SGCD: variants seen among roughly 807,000 people sequenced by gnomAD.
The protein encoded by SGCD is sarcoglycan delta, also known as delta-sarcoglycan.
SGCD carries 18 observed loss-of-function variants against 36.6 expected under a neutral mutation model. The observed-to-expected ratio is 0.49, with a 90% CI of 0.34 to 0.73. SGCD has a LOEUF of 0.73. Among genes scored for constraint, SGCD ranks in the 30% least tolerant of loss-of-function variants. The pLI is 0.01. For missense variants in SGCD, 387 were observed against 346.7 expected (o/e 1.12, Z -0.92); for synonymous variants, 133 against 130.6 (o/e 1.02, Z -0.12).
chr5:156,113,643 G>A (rs566844997), intron 1 of SGCD, among the ~76,000 whole-genome samples: 22 of 152,224 alleles, frequency 1.4e-4, no homozygotes, highest in African/African-American at 5.3e-4. Flanking sequence ...ATATGATACA[G>A]CTATCATATT....
At chr5:155,997,801 T>TCTAC (rs764409772) in intron 1 of SGCD, among the ~76,000 whole-genome samples, 26 of 152,236 alleles carry the variant, frequency 1.7e-4, no homozygotes, top group Non-Finnish European at 2.1e-4. Context: ...CAAAAATGTA[T>TCTAC]CTACCTCTCC....
At chr5:156,573,600 AC>A (rs1249332650) in intron 4 of SGCD, among the ~76,000 whole-genome samples, 2 of 152,126 alleles carry the variant, frequency 1.3e-5, no homozygotes, top group Non-Finnish European at 2.9e-5. Flanking sequence ...ACCGTCAGAC[AC>A]CTTTTTGGTC....
intron 3 of SGCD, among the ~76,000 whole-genome samples, chr5:156,504,855 G>T (rs9313957): frequency 0.32 from 48,385 of 151,984 alleles, 8,025 homozygotes; most frequent in African/African-American, 0.39. Context: ...GAATAGACTT[G>T]CTATAATACC....
the SGCD span, among the ~76,000 whole-genome samples, chr5:155,797,884 A>C: frequency 6.6e-6 from 1 of 152,220 alleles, no homozygotes; most frequent in South Asian, 2.1e-4. Context: ...CCCAATTAGC[A>C]ACCCAAGAAA....
intron 6 of SGCD, among the ~76,000 whole-genome samples, chr5:156,602,530 A>G (rs1371903859): frequency 1.3e-5 from 2 of 152,138 alleles, no homozygotes; most frequent in Non-Finnish European, 2.9e-5. Context: ...TTCTTGTCCT[A>G]TTCCTGATAT....
intron 3 of SGCD, among the ~76,000 whole-genome samples, chr5:156,422,699 G>A (rs775150422): frequency 1.6e-4 from 24 of 152,084 alleles, no homozygotes; most frequent in Middle Eastern, 3.4e-3. Flanking sequence ...CTCTGTTGTG[G>A]TACATATCCC....
chr5:156,203,402 TTTGAGA>T (rs1232377093), intron 3 of SGCD, among the ~76,000 whole-genome samples: 1 of 152,136 alleles, frequency 6.6e-6, no homozygotes, highest in African/African-American at 2.4e-5. Context: ...TAGTTCGATA[TTTGAGA>T]TTGATGAATA....
chr5:155,867,644 T>G (rs1755548836), upstream of SGCD, among the ~76,000 whole-genome samples: 1 of 152,120 alleles, frequency 6.6e-6, no homozygotes, highest in Admixed American at 6.5e-5. Context: ...GAAAGAGGAA[T>G]GATTTAAGAG....
At chr5:155,810,782 C>T in the SGCD span, among the ~76,000 whole-genome samples, 1 of 117,286 alleles carries the variant, frequency 8.5e-6, no homozygotes, top group South Asian at 3.1e-4. Flanking sequence ...TCTGAGTAAT[C>T]CTTTAGTGTC....
intron 7 of SGCD, among the ~76,000 whole-genome samples, chr5:156,737,865 G>A (rs1756454562): frequency 6.6e-6 from 1 of 152,136 alleles, no homozygotes; most frequent in Non-Finnish European, 1.5e-5. Flanking sequence ...ACAGGAGAAT[G>A]GGTCCCCATC....
chr5:156,549,532 A>G (rs1323488984), intron 4 of SGCD, among the ~76,000 whole-genome samples: 1 of 152,212 alleles, frequency 6.6e-6, no homozygotes. Context: ...TTAGGTGTGT[A>G]CTCCAGTAAA....
upstream of SGCD, among the ~76,000 whole-genome samples, chr5:155,870,127 G>A (rs1561632682): frequency 6.6e-6 from 1 of 152,210 alleles, no homozygotes; most frequent in Non-Finnish European, 1.5e-5. Flanking sequence ...CTCAGGCAGT[G>A]TGATATACTG....
intron 3 of SGCD, among the ~76,000 whole-genome samples, chr5:156,274,233 T>C (rs1766257363): frequency 6.6e-6 from 1 of 152,150 alleles, no homozygotes; most frequent in Non-Finnish European, 1.5e-5. Flanking sequence ...TTAAATCATA[T>C]TTTTAAATAT....
At chr5:155,965,318 C>T (rs979607139) in intron 1 of SGCD, among the ~76,000 whole-genome samples, 5 of 152,238 alleles carry the variant, frequency 3.3e-5, no homozygotes, top group Non-Finnish European at 5.9e-5. Flanking sequence ...CTTCAACCTA[C>T]ATCAGCAGTA....
intron 7 of SGCD, among the ~76,000 whole-genome samples, chr5:156,698,489 G>A (rs2113723299): frequency 6.6e-6 from 1 of 152,300 alleles, no homozygotes; most frequent in Admixed American, 6.5e-5. Context: ...AAGGAACCTC[G>A]GAGGCCACAT....
chr5:156,534,540 C>T (rs1301274143), intron 4 of SGCD, among the ~76,000 whole-genome samples: 3 of 152,154 alleles, frequency 2.0e-5, no homozygotes, highest in African/African-American at 7.2e-5. Flanking sequence ...GAAGGTCCTC[C>T]CTAGTTCCCA....
the SGCD span, among the ~76,000 whole-genome samples, chr5:155,776,305 G>A: frequency 6.6e-6 from 1 of 152,078 alleles, no homozygotes; most frequent in African/African-American, 2.4e-5. Context: ...CTATGGCCAA[G>A]GGTTCAGAGT....
At chr5:155,770,188 C>CAAATCATATTTTACAACTTGGG in the SGCD span, among the ~76,000 whole-genome samples, 2 of 152,040 alleles carry the variant, frequency 1.3e-5, no homozygotes. Context: ...AGGAGGCAAG[C>CAAATCATATTTTACAACTTGGG]AAATCATATT....
chr5:156,004,007 T>C (rs1283187629), intron 1 of SGCD, among the ~76,000 whole-genome samples: 1 of 152,238 alleles, frequency 6.6e-6, no homozygotes, highest in African/African-American at 2.4e-5. Flanking sequence ...CTATCTTACA[T>C]CTCATGTTAT....
Sources: allele counts gnomAD v4.1 joint callset (sites outside exome capture counted in the v4.1 genomes callset), GRCh38; gene constraint gnomAD v4.1.1; transcripts MANE v1.5; gene names NCBI Gene and HGNC (gene_info 2026-07-23, HGNC 2026-07-21).